The following ADGRB3 variants were observed in gnomAD, a reference collection of about 807,000 sequenced individuals.
ADGRB3 encodes brain-specific angiogenesis inhibitor 3.
In ADGRB3, 37 loss-of-function variants were observed where a neutral mutation model predicts 193.4. The ratio of observed to expected loss-of-function variants is 0.19; its 90% CI spans 0.15 to 0.25. The LOEUF is 0.25. Among genes scored for constraint, ADGRB3 ranks in the 10% least tolerant of loss-of-function variants. ADGRB3 has a pLI of 1.00. For missense variants in ADGRB3, 1,637 were observed against 1,852.9 expected (o/e 0.88, Z 2.14); for synonymous variants, 690 against 644.2 (o/e 1.07, Z -1.08).
At chr6:69,221,963 A>G (rs1765907942) in intron 17 of ADGRB3, among the ~76,000 whole-genome samples, 2 of 152,200 alleles carry the variant, frequency 1.3e-5, no homozygotes, top group Admixed American at 1.3e-4. Flanking sequence ...AGTTCCATTT[A>G]AACTTCTTAA....
chr6:68,808,552 A>G (rs1361610257), intron 3 of ADGRB3, among the ~76,000 whole-genome samples: 1 of 152,088 alleles, frequency 6.6e-6, no homozygotes, highest in Non-Finnish European at 1.5e-5. Context: ...CATAAATAGT[A>G]TGCTATGAAT....
At chr6:68,879,136 G>T (rs1038933133) in intron 3 of ADGRB3, among the ~76,000 whole-genome samples, 1 of 150,708 alleles carries the variant, frequency 6.6e-6, no homozygotes, top group Admixed American at 6.6e-5. Context: ...TTAGAGGCTT[G>T]AATGTCTGGA....
chr6:68,802,926 T>A (rs1306512398), intron 3 of ADGRB3, among the ~76,000 whole-genome samples: 1 of 152,154 alleles, frequency 6.6e-6, no homozygotes, highest in African/African-American at 2.4e-5. Flanking sequence ...AACCTCTTCA[T>A]ATGGCATTTA....
intron 3 of ADGRB3, among the ~76,000 whole-genome samples, chr6:68,909,685 TCTCAGAG>T (rs1308281427): frequency 6.6e-6 from 1 of 152,186 alleles, no homozygotes; most frequent in Non-Finnish European, 1.5e-5. Context: ...TCTTTGTCGG[TCTCAGAG>T]TGGGACTTAA....
At chr6:68,684,592 T>G (rs1018243585) in intron 3 of ADGRB3, among the ~76,000 whole-genome samples, 2 of 152,076 alleles carry the variant, frequency 1.3e-5, no homozygotes, top group South Asian at 2.1e-4. Flanking sequence ...TAATATAACC[T>G]TTATTAAGAG....
intron 11 of ADGRB3, among the ~76,000 whole-genome samples, chr6:69,010,429 G>A (rs73745912): frequency 0.017 from 2,613 of 151,974 alleles, 80 homozygotes; most frequent in African/African-American, 0.059. Flanking sequence ...GCCATAATGC[G>A]GCAATGAATA....
intron 30 of ADGRB3, among the ~76,000 whole-genome samples, chr6:69,381,059 A>G (rs1336168178): frequency 2.0e-5 from 3 of 151,890 alleles, no homozygotes; most frequent in African/African-American, 2.4e-5. Context: ...ACACAAATCC[A>G]TATTTTCATC....
chr6:68,936,418 AT>A, intron 4 of ADGRB3, 100 bp from the exon 5 acceptor site: 1 of 1,205,506 alleles, frequency 8.3e-7, no homozygotes, highest in Admixed American at 2.7e-5. Context: ...ATATTTTTAC[AT>A]TTAAATTATT....
chr6:68,910,025 G>A (rs1488373906), intron 3 of ADGRB3, among the ~76,000 whole-genome samples: 2 of 152,162 alleles, frequency 1.3e-5, no homozygotes, highest in African/African-American at 4.8e-5. Flanking sequence ...CCCACCAACA[G>A]TGTAAAAGTG....
At chr6:69,337,321 C>A (rs1388371386) in intron 24 of ADGRB3, among the ~76,000 whole-genome samples, 1 of 152,042 alleles carries the variant, frequency 6.6e-6, no homozygotes. Flanking sequence ...TTAATCTGAT[C>A]AGATTTAACA....
chr6:69,114,413 T>C (rs890389325), intron 17 of ADGRB3, among the ~76,000 whole-genome samples: 2 of 152,226 alleles, frequency 1.3e-5, no homozygotes, highest in African/African-American at 4.8e-5. Context: ...TGTTAGTCCT[T>C]TGTCAGATGG....
intron 17 of ADGRB3, among the ~76,000 whole-genome samples, chr6:69,218,563 G>A (rs181407003): frequency 9.1e-4 from 138 of 152,262 alleles, no homozygotes; most frequent in African/African-American, 3.2e-3. Flanking sequence ...AACAGCCTAA[G>A]AGAAATCACA....
At chr6:68,776,755 T>A (rs1766755553) in intron 3 of ADGRB3, among the ~76,000 whole-genome samples, 1 of 152,132 alleles carries the variant, frequency 6.6e-6, no homozygotes, top group Non-Finnish European at 1.5e-5. Context: ...CAGATTATAG[T>A]GGGTATTCAC....
intron 17 of ADGRB3, among the ~76,000 whole-genome samples, chr6:69,153,275 C>T (rs1458668290): frequency 1.3e-5 from 2 of 152,186 alleles, no homozygotes; most frequent in African/African-American, 2.4e-5. Flanking sequence ...GAAGCCCCCG[C>T]ACCACCCTTC....
chr6:68,736,625 G>C (rs1562010457), intron 3 of ADGRB3, among the ~76,000 whole-genome samples: 1 of 152,116 alleles, frequency 6.6e-6, no homozygotes, highest in Non-Finnish European at 1.5e-5. Flanking sequence ...GAAGCTTTTA[G>C]AGGACTTGTG....
At chr6:68,904,858 A>G (rs556017749) in intron 3 of ADGRB3, among the ~76,000 whole-genome samples, 8 of 152,240 alleles carry the variant, frequency 5.3e-5, no homozygotes, top group African/African-American at 9.6e-5. Context: ...CCTTCAATAA[A>G]CACCCAATCT....
chr6:68,957,685 CT>C (rs1768112170), intron 8 of ADGRB3, among the ~76,000 whole-genome samples: 1 of 152,052 alleles, frequency 6.6e-6, no homozygotes, highest in Admixed American at 6.6e-5. Flanking sequence ...TTTGAGGTTC[CT>C]TTTCAGTTCA....
intron 20 of ADGRB3, among the ~76,000 whole-genome samples, chr6:69,257,856 T>C (rs991798587): frequency 1.3e-5 from 2 of 152,232 alleles, no homozygotes; most frequent in Non-Finnish European, 2.9e-5. Flanking sequence ...AAGGGAAAAC[T>C]AGATTCTTCA....
At chr6:68,771,405 C>T (rs914515736) in intron 3 of ADGRB3, among the ~76,000 whole-genome samples, 3 of 151,680 alleles carry the variant, frequency 2.0e-5, no homozygotes, top group African/African-American at 7.3e-5. Flanking sequence ...CACACACACA[C>T]ACACACATAT....
Sources: gnomAD v4.1 joint callset for allele counts (sites outside exome capture counted in the v4.1 genomes callset) on GRCh38, gnomAD v4.1.1 for gene constraint, MANE v1.5 for transcripts, NCBI Gene and HGNC (gene_info 2026-07-23, HGNC 2026-07-21) for gene names.